ANO1: variants seen among roughly 807,000 people sequenced by gnomAD.
The protein encoded by ANO1 is anoctamin 1.
In ANO1, 59 loss-of-function variants were observed where a neutral mutation model predicts 124.0. The ratio of observed to expected loss-of-function variants is 0.48; its 90% CI spans 0.39 to 0.59. ANO1 has a LOEUF of 0.59. ANO1 is among the 20% of genes least tolerant of loss of function. ANO1 has a pLI of 0.00. For missense variants in ANO1, 1,059 were observed against 1,328.0 expected, an observed-to-expected ratio of 0.80 and a Z score of 3.15; for synonymous variants, 529 against 532.0, an observed-to-expected ratio of 0.99 and a Z score of 0.08.
At chr11:70,125,611 G>A (rs1346033417) in intron 9 of ANO1, among the ~76,000 whole-genome samples, 6 of 151,872 alleles carry the variant, frequency 4.0e-5, no homozygotes, top group African/African-American at 7.3e-5. Context: ...TTGGGAGGCC[G>A]AAGGGGGCGG....
chr11:70,036,583 T>C (rs1450697478), intron 1 of ANO1, among the ~76,000 whole-genome samples: 1 of 151,928 alleles, frequency 6.6e-6, no homozygotes, highest in Non-Finnish European at 1.5e-5. Flanking sequence ...TCTGACTGTG[T>C]GTGGTTTGTT....
Position 70,163,308 on chromosome 11 carries a change from G to C in ANO1, c.1918G>C (p.Val640Leu), listed in dbSNP as rs370304912. 1.9e-5 allele frequency: 30 copies of C among 1,613,954 alleles called. 1 individual carries two copies. The Admixed American group carries it at 3.5e-4, about 19-fold the overall frequency. The change falls in exon 19 of 26, where the codon GTG becomes CTG. Residue 640 changes from valine to leucine, a missense_variant. This residue lies in a region of ANO1 where 809 missense variants were observed against 1,094.9 expected (regional missense o/e 0.74). Coordinates refer to ENST00000355303, the MANE Select transcript of ANO1 (RefSeq NM_018043.7). ...GTTTGTTGGACGCCCGGGCGACTAC[G>C]TGTACATTTTCCGTTCCTTCCGAAT... ...GRFVGRPGDY[V>L]YIFRSFRMEE... is the part of the protein sequence containing the mutation.
At chr11:70,182,214 C>T (rs1277429467) in intron 23 of ANO1, among the ~76,000 whole-genome samples, 1 of 152,260 alleles carries the variant, frequency 6.6e-6, no homozygotes, top group Non-Finnish European at 1.5e-5. Context: ...TTGCCCAAGG[C>T]CACACAGCCA....
intron 1 of ANO1, among the ~76,000 whole-genome samples, chr11:70,057,416 G>A (rs1361344305): frequency 1.3e-5 from 2 of 148,636 alleles, no homozygotes; most frequent in Non-Finnish European, 3.0e-5. Context: ...CCTCCTTAGA[G>A]TACCCTGAAC....
rs567404015 is a variant in ANO1, at chr11:70,117,071, C to T, written c.897+572C>T. On this transcript the variant is annotated intron_variant, in intron 8 of 25. Coordinates refer to ENST00000355303, the MANE Select transcript of ANO1 (RefSeq NM_018043.7). ...ACACACTTTGGGAAACACTGGGTGACCCCTTTATTCTTTTTTCTTTGTTTC... is the reference window on the plus strand; with the variant it reads ...ACACACTTTGGGAAACACTGGGTGATCCCTTTATTCTTTTTTCTTTGTTTC... Among the ~76,000 whole-genome samples, 8 of 150,656 alleles carry T rather than the reference C, an allele frequency of 5.3e-5. No homozygotes were observed. In the South Asian group the frequency reaches 1.1e-3, roughly 20 times the overall value.
At chr11:70,031,076 C>T (rs1856992613) in intron 1 of ANO1, among the ~76,000 whole-genome samples, 1 of 152,152 alleles carries the variant, frequency 6.6e-6, no homozygotes, top group East Asian at 1.9e-4. Context: ...TCCTTAGTAG[C>T]TGGGATTACA....
intron 1 of ANO1, among the ~76,000 whole-genome samples, chr11:70,081,163 C>A (rs929950776): frequency 2.0e-5 from 3 of 152,208 alleles, no homozygotes; most frequent in Non-Finnish European, 4.4e-5. Context: ...GAAATGACTT[C>A]ATTGTTTCTG....
At chr11:69,977,644 A>G in the ANO1 span, among the ~76,000 whole-genome samples, 1 of 152,372 alleles carries the variant, frequency 6.6e-6, no homozygotes, top group African/African-American at 2.4e-5. Context: ...TAAGGGGGAC[A>G]GTGCCCATCC....
At chr11:70,101,685 C>A (rs963383851) in intron 2 of ANO1, among the ~76,000 whole-genome samples, 1 of 151,448 alleles carries the variant, frequency 6.6e-6, no homozygotes, top group Non-Finnish European at 1.5e-5. Flanking sequence ...GTCAGACACT[C>A]AAGGGGTCCA....
intron 11 of ANO1, among the ~76,000 whole-genome samples, chr11:70,140,463 G>A (rs1484402578): frequency 1.3e-5 from 2 of 151,846 alleles, no homozygotes; most frequent in African/African-American, 2.4e-5. Context: ...CCCAGGAGGC[G>A]GAGGTTGCAG....
At chr11:69,976,847 T>C in the ANO1 span, among the ~76,000 whole-genome samples, 1 of 152,222 alleles carries the variant, frequency 6.6e-6, no homozygotes, top group African/African-American at 2.4e-5. Context: ...GACAATTACA[T>C]GACGGCTAAG....
intron 7 of ANO1, among the ~76,000 whole-genome samples, chr11:70,112,568 T>G (rs74732445): frequency 3.7e-4 from 56 of 150,822 alleles, no homozygotes; most frequent in African/African-American, 1.3e-3. Flanking sequence ...TTTTTTTTTT[T>G]TTGAAACAAG....
chr11:70,124,625 C>T lies in ANO1; in HGVS notation c.962+211C>T, dbSNP rs77448436. Among the ~76,000 whole-genome samples the T allele has an allele frequency of 2.8e-4, 42 of 152,312 alleles. No homozygotes were observed. In the East Asian group the frequency reaches 3.1e-3, roughly 11 times the overall value. On this transcript the variant is annotated intron_variant, in intron 9 of 25. Transcript: ENST00000355303. ...CAGTTTATTCAAATTCCCTGGAGGT[C>T]GGGCCCTTTTCAGTCACATTTACCA...
chr11:70,025,710 G>A (rs202099427), intron 1 of ANO1, among the ~76,000 whole-genome samples: 1 of 138,162 alleles, frequency 7.2e-6, no homozygotes, highest in African/African-American at 2.8e-5. Context: ...GGTGGTGATG[G>A]TGATGATGAT....
intron 1 of ANO1, among the ~76,000 whole-genome samples, chr11:70,024,265 G>A (rs781836220): frequency 6.6e-6 from 1 of 152,190 alleles, no homozygotes; most frequent in Non-Finnish European, 1.5e-5. Context: ...TGGCCTGGGG[G>A]ATGCTTAGCT....
intron 1 of ANO1, among the ~76,000 whole-genome samples, chr11:70,016,076 G>A (rs1279953241): frequency 1.3e-5 from 2 of 150,914 alleles, no homozygotes; most frequent in African/African-American, 4.9e-5. Flanking sequence ...TGCCCAGGCT[G>A]GAGTGCAGTG....
intron 2 of ANO1, among the ~76,000 whole-genome samples, chr11:70,088,965 C>T (rs574232387): frequency 2.6e-5 from 4 of 152,234 alleles, no homozygotes; most frequent in African/African-American, 9.6e-5. Context: ...GTCGACCCCC[C>T]TCGAGTGCCT....
chr11:70,187,039 A>C (rs1311592701), intron 25 of ANO1, among the ~76,000 whole-genome samples: 1 of 152,158 alleles, frequency 6.6e-6, no homozygotes, highest in Non-Finnish European at 1.5e-5. Flanking sequence ...TGGACCAGTC[A>C]CTGCTTTGGG....
chr11:70,147,728 C>T (rs966605868), intron 11 of ANO1, among the ~76,000 whole-genome samples: 1 of 152,280 alleles, frequency 6.6e-6, no homozygotes, highest in Non-Finnish European at 1.5e-5. Context: ...CTCTGACTTC[C>T]CCTGGGAAGC....
Sources: allele counts gnomAD v4.1 joint callset (sites outside exome capture counted in the v4.1 genomes callset), GRCh38; gene constraint gnomAD v4.1.1; regional missense constraint gnomAD v4.1.1; transcripts MANE v1.5; gene names NCBI Gene and HGNC (gene_info 2026-07-23, HGNC 2026-07-21).